The following CCDC175 variants were observed in gnomAD, a reference collection of about 807,000 sequenced individuals.
CCDC175 encodes the protein coiled-coil domain containing 175, also known as coiled-coil domain-containing protein 175.
In CCDC175, 100 loss-of-function variants were observed where a neutral mutation model predicts 114.6. That is an observed-to-expected ratio of 0.87 (90% CI 0.74 to 1.03). The LOEUF (loss-of-function observed/expected upper bound fraction) is 1.03, where lower values mean the gene tolerates loss of function less well. CCDC175 is among the 50% of genes least tolerant of loss of function. CCDC175 has a pLI of 0.00. For synonymous variants in CCDC175, 306 were observed against 308.7 expected (o/e 0.99, Z 0.09); for missense variants, 880 against 917.8 (o/e 0.96, Z 0.53).
At chr14:59,563,715 T>C in intron 6 of CCDC175, 22 bp downstream of exon 6, 2 of 1,340,912 alleles carry the variant, frequency 1.5e-6, no homozygotes, top group East Asian at 5.8e-5. Flanking sequence ...CTTAAAAATA[T>C]ATATAGTTTA....
At chr14:59,568,208 C>A (rs1485461371) in intron 4 of CCDC175, 37 bp downstream of exon 4, 1 of 1,506,226 alleles carries the variant, frequency 6.6e-7, no homozygotes, top group African/African-American at 1.4e-5. Flanking sequence ...AGCCTCAGAC[C>A]CCTGCTCCCT....
Position 59,537,965 on chromosome 14 carries a change from TC to T in CCDC175, c.1623+57del, listed in dbSNP as rs1260555600. The T allele has an allele frequency of 3.6e-5, 42 of 1,181,204 alleles. No homozygotes were observed. The Admixed American group carries it at 4.8e-4, about 14-fold the overall frequency. The allele number at this position is 1,181,204 out of a possible 1,614,324, so 73.2% of individuals were successfully genotyped here. On this transcript the variant is annotated intron_variant, in intron 13 of 19. Coordinates refer to ENST00000537690, the MANE Select transcript of CCDC175 (RefSeq NM_001164399.2). The stretch of plus-strand genomic sequence containing the variant: ...TGATTAGAATAGCATGAAATATTAT[TC>T]CCCCTCCCCCTCATGTAGTCATCCA...
In CCDC175 at chr14:59,572,717, T is replaced by A; in HGVS notation, c.340A>T (p.Lys114Ter). 6.7e-7 allele frequency: 1 copy of A among 1,498,310 alleles called. No individual in the cohort carries two copies. The highest frequency in any genetic ancestry group is 8.8e-7 in the Non-Finnish European group (1 of 1,131,520). The allele number at this position is 1,498,310 out of a possible 1,614,324, so 92.8% of individuals were successfully genotyped here. ...YLLETLPNSI[K>*]RELEECVRDA... The stretch of plus-strand genomic sequence containing the variant: ...TCAAAAGTACCTTCCAATTCCCTCT[T>A]AATGCTATTGGGAAGAGTTTCCAAT... The change falls in exon 3 of 20, where the codon AAG becomes TAG. Residue 114 changes from lysine (K) to a stop codon, truncating the protein, a stop_gained. Coordinates refer to ENST00000537690, the MANE Select transcript of CCDC175 (RefSeq NM_001164399.2). LOFTEE classifies it high-confidence loss of function.
rs780988296 is a variant in CCDC175 at position 59,572,833 on chromosome 14, T to A, written c.244-20A>T. On this transcript the variant is annotated intron_variant, in intron 2 of 19. Coordinates refer to ENST00000537690, the MANE Select transcript of CCDC175 (RefSeq NM_001164399.2). ...TTCTTCCTGAAAATTTAAATTACAT[T>A]TTTAAAAAGTTAAGACACTAAAATA... 3 of 1,432,954 alleles carry A rather than the reference T, an allele frequency of 2.1e-6. No individual in the cohort carries two copies. Among genetic ancestry groups the A allele is most frequent in the South Asian group, 2.7e-5 (2 of 74,232 alleles). The allele number at this position is 1,432,954 out of a possible 1,614,324, so 88.8% of individuals were successfully genotyped here. A position where few individuals can be genotyped will look rare whatever the true frequency, so the allele number is the denominator to read the frequency against.
intron 19 of CCDC175, among the ~76,000 whole-genome samples, chr14:59,509,308 A>G (rs1188115380): frequency 6.6e-6 from 1 of 152,190 alleles, no homozygotes; most frequent in South Asian, 2.1e-4. Flanking sequence ...AGGCCCACAA[A>G]GGATCCTTTA....
intron 14 of CCDC175, among the ~76,000 whole-genome samples, chr14:59,528,858 A>C (rs561113778): frequency 3.3e-5 from 5 of 151,850 alleles, no homozygotes; most frequent in Non-Finnish European, 4.4e-5. Flanking sequence ...AATTTCTGAG[A>C]GCTCTTTCTG....
chr14:59,550,340 A>G (rs1231135784), intron 8 of CCDC175, among the ~76,000 whole-genome samples: 1 of 152,064 alleles, frequency 6.6e-6, no homozygotes, highest in African/African-American at 2.4e-5. Context: ...CACTATCCTA[A>G]TGAAGGCTTC....
At position 59,576,720 on chromosome 14, in the gene CCDC175, G is replaced by T; in HGVS notation, c.56C>A (p.Ala19Glu). The change falls in exon 1 of 20, where the codon GCG becomes GAG. Residue 19 changes from alanine to glutamate, a missense_variant. Ala to Glu is a moderately radical substitution (Grantham distance 107). Transcript: ENST00000537690. ...GLGAGEKLVQ[A>E]AAVSTGPSLE... The stretch of plus-strand genomic sequence containing the variant: ...GGAGGGGCCAGTGGAGACGGCAGCC[G>T]CCTGCACCAGCTTCTCGCCAGCGCC... The T allele has an allele frequency of 6.8e-7, 1 of 1,476,498 alleles. No individual in the cohort carries two copies. Among genetic ancestry groups the T allele is most frequent in the Non-Finnish European group, 8.9e-7 (1 of 1,122,244 alleles). 91.5% of individuals were successfully genotyped at this position (1,476,498 alleles called of 1,614,324 possible).
At chr14:59,575,239 T>G (rs1408387443) in intron 1 of CCDC175, among the ~76,000 whole-genome samples, 1 of 152,238 alleles carries the variant, frequency 6.6e-6, no homozygotes, top group African/African-American at 2.4e-5. Context: ...TGAGGACAAA[T>G]GTGCTGGAGA....
chr14:59,556,383 G>A (rs1432590765), intron 7 of CCDC175, among the ~76,000 whole-genome samples: 1 of 152,160 alleles, frequency 6.6e-6, no homozygotes, highest in Admixed American at 6.5e-5. Context: ...TTTAATAAAT[G>A]GTGCTGGGAA....
At chr14:59,543,772 C>T (rs1316692312) in intron 9 of CCDC175, among the ~76,000 whole-genome samples, 1 of 152,040 alleles carries the variant, frequency 6.6e-6, no homozygotes. Flanking sequence ...GGATTACAGG[C>T]GTGAGCCACT....
At chr14:59,552,521 A>C (rs1321222741) in intron 7 of CCDC175, among the ~76,000 whole-genome samples, 2 of 152,222 alleles carry the variant, frequency 1.3e-5, no homozygotes, top group East Asian at 3.8e-4. Context: ...ATGGGGAAAA[A>C]ACAGAGCAGA....
chr14:59,544,494 C>A (rs964473226), intron 9 of CCDC175, among the ~76,000 whole-genome samples: 14 of 152,114 alleles, frequency 9.2e-5, no homozygotes, highest in Non-Finnish European at 1.9e-4. Flanking sequence ...CTAAGTGACT[C>A]ATCTTCCAAA....
chr14:59,528,903 A>T (rs4898993), intron 14 of CCDC175, among the ~76,000 whole-genome samples: 62,558 of 151,950 alleles, frequency 0.41, 14,226 homozygotes, highest in African/African-American at 0.6. Context: ...TCTTTTTTCA[A>T]AAATGCAATA....
intron 10 of CCDC175, among the ~76,000 whole-genome samples, chr14:59,542,810 T>G (rs1452048732): frequency 6.6e-6 from 1 of 152,098 alleles, no homozygotes; most frequent in Non-Finnish European, 1.5e-5. Flanking sequence ...AGGTATAATT[T>G]TAAGTGGAAC....
At position 59,555,309 on chromosome 14, in the gene CCDC175, C is replaced by T. The variant is rs1233968841; in HGVS notation, c.954-3873G>A. On this transcript the variant is annotated intron_variant, in intron 7 of 19. Transcript: ENST00000537690. ...TCCCTGGGATTCAAGGCTGGTTCAA[C>T]ACATGCAAATCAATAAACGTAATCC... 3.3e-5 allele frequency among the ~76,000 whole-genome samples: 5 copies of T among 152,272 alleles called. No homozygotes were observed. The South Asian group carries it at 1.0e-3, about 32-fold the overall frequency.
rs1159809255 is a variant in CCDC175, at chr14:59,557,411, A to C, written c.953+3708T>G. 1.0e-4 allele frequency among the ~76,000 whole-genome samples: 15 copies of C among 148,728 alleles called. No homozygotes were observed. In the South Asian group the frequency reaches 3.0e-3, roughly 30 times the overall value. ...TGTTCTCACTCATAGGTGGGAATTG[A>C]ACAATGAGAACACATGGACACAGGA... On this transcript the variant is annotated intron_variant, in intron 7 of 19. Coordinates refer to ENST00000537690, the MANE Select transcript of CCDC175 (RefSeq NM_001164399.2).
At chr14:59,512,805 G>GGGGTGT (rs1227784400) in intron 17 of CCDC175, among the ~76,000 whole-genome samples, 1 of 144,366 alleles carries the variant, frequency 6.9e-6, no homozygotes, top group Non-Finnish European at 1.5e-5. Flanking sequence ...TCTCAGCAGG[G>GGGGTGT]GTGTGTGTGT....
chr14:59,514,322 C>T (rs1050333293), intron 17 of CCDC175, among the ~76,000 whole-genome samples: 1 of 152,174 alleles, frequency 6.6e-6, no homozygotes, highest in African/African-American at 2.4e-5. Flanking sequence ...CAGAGAATGA[C>T]TTTGATGAGT....
Sources: allele counts gnomAD v4.1 joint callset (sites outside exome capture counted in the v4.1 genomes callset), GRCh38; gene constraint gnomAD v4.1.1; transcripts MANE v1.5; gene names NCBI Gene and HGNC (gene_info 2026-07-23, HGNC 2026-07-21).